KIAA1671: variants seen among roughly 807,000 people sequenced by gnomAD.
KIAA1671 encodes KIAA1671, also known as uncharacterized protein KIAA1671.
A neutral mutation model predicts 131.2 loss-of-function variants in KIAA1671; 52 were observed. That is an observed-to-expected ratio of 0.40 (90% CI 0.32 to 0.50). KIAA1671 has a LOEUF of 0.50. Among genes scored for constraint, KIAA1671 ranks in the 20% least tolerant of loss-of-function variants. The pLI, the probability that KIAA1671 is intolerant of heterozygous loss-of-function variation, is 0.73. For missense variants in KIAA1671, 2,360 were observed against 2,364.2 expected (o/e 1.00, Z 0.04); for synonymous variants, 1,003 against 961.6 (o/e 1.04, Z -0.80).
chr22:25,036,817 G>C (rs1347315734), intron 4 of KIAA1671, among the ~76,000 whole-genome samples: 1 of 152,084 alleles, frequency 6.6e-6, no homozygotes, highest in African/African-American at 2.4e-5. Flanking sequence ...CCAGCCACTC[G>C]GGAGGCTGAG....
At position 25,174,440 on chromosome 22, in the gene KIAA1671, C is replaced by T. The variant is rs770977305; in HGVS notation, c.4850C>T (p.Pro1617Leu). 1.3e-6 allele frequency: 2 copies of T among 1,546,636 alleles called. No homozygotes were observed. The highest frequency in any genetic ancestry group is 2.4e-5 in the South Asian group (2 of 83,828). The change falls in exon 8 of 13, where the codon CCA (proline) becomes CTA (leucine). Residue 1617 changes from proline to leucine, a missense_variant. Pro to Leu is a moderately conservative substitution (Grantham distance 98). Coordinates refer to ENST00000358431, the MANE Select transcript of KIAA1671 (RefSeq NM_001145206.2). ...ESTDGMEGPP[P>L]PDACPEKRVD... ...ACCGATGGGATGGAGGGGCCGCCTC[C>T]ACCGGACGCCTGCCCTGAAAAGAGA...
chr22:24,971,861 G>C (rs2123814700), intron 1 of KIAA1671, among the ~76,000 whole-genome samples: 1 of 152,280 alleles, frequency 6.6e-6, no homozygotes, highest in South Asian at 2.1e-4. Flanking sequence ...ACAGTTTCCA[G>C]AGAGGTTTCT....
At position 25,197,042 on chromosome 22, in the gene KIAA1671, T is replaced by C. The variant is rs189286643; in HGVS notation, c.*4641T>C. On this transcript the variant is annotated 3_prime_UTR_variant, in exon 13 of 13. Transcript: ENST00000358431. ...CCTTCCTCAGATCTTTGAGTCACGATAGAAAAGGAGCTCGAGTTCTTTGTG... is the reference window on the plus strand; with the variant it reads ...CCTTCCTCAGATCTTTGAGTCACGACAGAAAAGGAGCTCGAGTTCTTTGTG... 6.6e-5 allele frequency: 10 copies of C among 152,226 alleles called. No individual in the cohort carries two copies. The highest frequency in any genetic ancestry group is 2.4e-4 in the African/African-American group (10 of 41,536). The allele number at this position is 152,226 out of a possible 1,614,324, so 9.4% of individuals were successfully genotyped here.
chr22:25,093,994 G>C (rs368015431), intron 6 of KIAA1671, among the ~76,000 whole-genome samples: 164 of 151,912 alleles, frequency 1.1e-3, no homozygotes, highest in African/African-American at 3.5e-3. Flanking sequence ...GTTAAAGAAG[G>C]GAGGGAGGAC....
At position 25,032,393 on chromosome 22, in the gene KIAA1671, G is replaced by T. The variant is rs779286536; in HGVS notation, c.1542-216G>T. 2.9e-3 allele frequency among the ~76,000 whole-genome samples: 447 copies of T among 152,350 alleles called. 1 individual carries two copies. The highest frequency in any genetic ancestry group is 0.02 in the Middle Eastern group (6 of 294). ...CCCAGTGAAGAGGCAGTAGAGCTGG[G>T]ACTAGCACCTGGGTGTCTTCCCCCA... On this transcript the variant is annotated intron_variant, in intron 3 of 12. Transcript: ENST00000358431.
chr22:25,002,122 C>A (rs944003302), intron 1 of KIAA1671, among the ~76,000 whole-genome samples: 17 of 152,138 alleles, frequency 1.1e-4, no homozygotes, highest in African/African-American at 3.6e-4. Context: ...CCCTAAAAAA[C>A]GAGCAGGCTT....
chr22:24,983,904 A>G (rs550176473), intron 1 of KIAA1671, among the ~76,000 whole-genome samples: 21 of 149,862 alleles, frequency 1.4e-4, no homozygotes, highest in African/African-American at 5.2e-4. Flanking sequence ...TCAGCCTCCC[A>G]AGTAGCTGGG....
intron 1 of KIAA1671, among the ~76,000 whole-genome samples, chr22:25,007,333 A>C (rs1924800239): frequency 6.6e-6 from 1 of 152,004 alleles, no homozygotes; most frequent in Non-Finnish European, 1.5e-5. Context: ...TAAAAATATA[A>C]AAATTAGATG....
chr22:25,174,961 G>C (rs994129656), intron 8 of KIAA1671: 7 of 153,300 alleles, frequency 4.6e-5, no homozygotes, highest in African/African-American at 1.7e-4. Flanking sequence ...GGATCCGACT[G>C]TCTCTGTAGT....
chr22:25,102,796 T>G (rs972927732), intron 6 of KIAA1671: 4 of 152,712 alleles, frequency 2.6e-5, no homozygotes, highest in Admixed American at 6.5e-5. Context: ...TTGTTTTTTT[T>G]GTCACAACCT....
chr22:24,961,964 C>T (rs548512676), intron 1 of KIAA1671, among the ~76,000 whole-genome samples: 3 of 152,292 alleles, frequency 2.0e-5, no homozygotes, highest in East Asian at 3.9e-4. Context: ...AGTTCACCAA[C>T]TGAGTCTCAG....
At chr22:25,099,047 T>G (rs1601311713) in intron 6 of KIAA1671, among the ~76,000 whole-genome samples, 1 of 151,788 alleles carries the variant, frequency 6.6e-6, no homozygotes, top group African/African-American at 2.4e-5. Context: ...ATGACGGGGG[T>G]GGGGCGTGGT....
intron 11 of KIAA1671, among the ~76,000 whole-genome samples, chr22:25,188,380 C>T (rs978522882): frequency 2.0e-5 from 3 of 151,820 alleles, no homozygotes; most frequent in African/African-American, 7.3e-5. Context: ...CAAAAGGCAG[C>T]TCTGTATGCT....
intron 6 of KIAA1671, among the ~76,000 whole-genome samples, chr22:25,118,582 C>G (rs1229751199): frequency 1.3e-5 from 2 of 152,156 alleles, no homozygotes; most frequent in Non-Finnish European, 2.9e-5. Context: ...TGAGACACTG[C>G]ATCCAGCCAA....
chr22:25,033,431 AC>A (rs1368637879), intron 4 of KIAA1671, among the ~76,000 whole-genome samples: 1 of 152,062 alleles, frequency 6.6e-6, no homozygotes, highest in Non-Finnish European at 1.5e-5. Context: ...GAAGTAGGTT[AC>A]CAGCAATTAA....
At chr22:24,981,647 GC>G (rs1432239782) in intron 1 of KIAA1671, among the ~76,000 whole-genome samples, 1 of 152,224 alleles carries the variant, frequency 6.6e-6, no homozygotes, top group Non-Finnish European at 1.5e-5. Flanking sequence ...CCTGGCTCAT[GC>G]CTGTAATCCC....
chr22:25,047,111 C>T (rs1602096768), intron 5 of KIAA1671, among the ~76,000 whole-genome samples: 3 of 151,508 alleles, frequency 2.0e-5, no homozygotes, highest in African/African-American at 7.3e-5. Context: ...GCTGGGACTA[C>T]AAGCACATGC....
rs1568951598 is a variant in KIAA1671, at chr22:25,093,836, C to CTT, written c.4530+44473_4530+44474insTT. Among the ~76,000 whole-genome samples the CTT allele has an allele frequency of 6.2e-5, 4 of 64,620 alleles. 1 individual carries two copies. The highest frequency in any genetic ancestry group is 8.9e-5 in the Non-Finnish European group (3 of 33,658). The allele number at this position is 64,620 out of a possible 152,430, so 42.4% of individuals were successfully genotyped here. A position where few individuals can be genotyped will look rare whatever the true frequency, so the allele number is the denominator to read the frequency against. On this transcript the variant is annotated intron_variant, in intron 6 of 12. Coordinates refer to ENST00000358431, the MANE Select transcript of KIAA1671 (RefSeq NM_001145206.2). The stretch of plus-strand genomic sequence containing the variant: ...TGTCTCTCTCTCTTTCTCTCTCTGT[C>CTT]TGTCTCTCTCTCTCTCTCTCTCTCT...
intron 6 of KIAA1671, among the ~76,000 whole-genome samples, chr22:25,093,746 C>CTTTCTCTCTCTCTCTCTG (rs55791503): frequency 2.5e-5 from 3 of 121,344 alleles, no homozygotes; most frequent in Admixed American, 8.0e-5. Context: ...CACTCTCTCT[C>CTTTCTCTCTCTCTCTCTG]TCTCTCTCTC....
Sources: allele counts gnomAD v4.1 joint callset (sites outside exome capture counted in the v4.1 genomes callset), GRCh38; gene constraint gnomAD v4.1.1; transcripts MANE v1.5; gene names NCBI Gene and HGNC (gene_info 2026-07-23, HGNC 2026-07-21).